Variants in PDHA1 observed in about 807,000 individuals in gnomAD.
PDHA1 encodes the protein pyruvate dehydrogenase E1 component subunit alpha, somatic form, mitochondrial.
PDHA1 carries 1 observed loss-of-function variant against 33.0 expected under a neutral mutation model. The observed-to-expected ratio is 0.03, with a 90% CI of 0.01 to 0.14. PDHA1 has a LOEUF of 0.14. Ranked by LOEUF, PDHA1 falls within the 10% of genes least tolerant of loss-of-function variation. PDHA1 has a pLI of 1.00. For missense variants in PDHA1, 168 were observed against 325.1 expected, an observed-to-expected ratio of 0.52 and a Z score of 3.72; for synonymous variants, 123 against 119.2, an observed-to-expected ratio of 1.03 and a Z score of -0.21.
intron 9 of PDHA1, among the ~76,000 whole-genome samples, chrX:19,357,954 G>GTT (rs916343254): frequency 6.2e-5 from 7 of 112,205 alleles, no homozygotes; most frequent in African/African-American, 2.3e-4. Context: ...AAGAAAGAGT[G>GTT]TTATATACCT....
At chrX:19,356,777 CTG>C (rs1456888452) in intron 8 of PDHA1, among the ~76,000 whole-genome samples, 2 of 88,864 alleles carry the variant, frequency 2.3e-5, no homozygotes, top group Non-Finnish European at 3.8e-5. Flanking sequence ...GACAAGGAAA[CTG>C]AGCCATAGAG....
At chrX:19,344,885 G>A (rs1461937587) in intron 1 of PDHA1, among the ~76,000 whole-genome samples, 2 of 112,023 alleles carry the variant, frequency 1.8e-5, no homozygotes, top group Non-Finnish European at 3.8e-5. Context: ...AGCCTCTTCA[G>A]AAACAAACTT....
rs2063257671 is a variant in PDHA1, at chrX:19,359,937, TGCCCCCA to T, written c.*288_*294del. 1.8e-5 allele frequency: 6 copies of T among 335,693 alleles called. No homozygotes were observed. The South Asian group carries it at 2.1e-4, about 12-fold the overall frequency. 27.7% of individuals were successfully genotyped at this position (335,693 alleles called of 1,213,427 possible). A position where few individuals can be genotyped will look rare whatever the true frequency, so the allele number is the denominator to read the frequency against. The stretch of plus-strand genomic sequence containing the variant: ...CAATTCCTTGTATGCCTGTTTCCCC[TGCCCCCA>T]GCCACCTTTTTGGGAGGAGACCATT... On this transcript the variant is annotated 3_prime_UTR_variant, in exon 11 of 11. Coordinates refer to ENST00000422285, the MANE Select transcript of PDHA1 (RefSeq NM_000284.4).
intron 1 of PDHA1, chrX:19,346,583 C>T: frequency 2.1e-6 from 2 of 958,980 alleles, no homozygotes; most frequent in Non-Finnish European, 2.7e-6. Context: ...CTCGGCCTCC[C>T]AAAGTGCTGG....
rs2147174061 is a variant in PDHA1 at position 19,349,308 on chromosome X, T to C, written c.58-4T>C. 2 of 1,167,230 alleles carry C rather than the reference T, an allele frequency of 1.7e-6. No individual in the cohort carries two copies. The highest frequency in any genetic ancestry group is 2.3e-6 in the Non-Finnish European group (2 of 855,162). On this transcript the variant is annotated splice_region_variant and splice_polypyrimidine_tract_variant and intron_variant, in intron 1 of 10. Coordinates refer to ENST00000422285, the MANE Select transcript of PDHA1 (RefSeq NM_000284.4). Reference sequence around the variant, plus strand: ...GATTTGTTTGTATATTTTTGTCTTTTAAGGCAAGCAGAGTGCTGGTAGCAT... The same window carrying C: ...GATTTGTTTGTATATTTTTGTCTTTCAAGGCAAGCAGAGTGCTGGTAGCAT...
chrX:19,350,629 A>C (rs904019330), intron 3 of PDHA1, among the ~76,000 whole-genome samples: 11 of 112,467 alleles, frequency 9.8e-5, no homozygotes, highest in African/African-American at 3.6e-4. Context: ...TAGGCTAAAG[A>C]ATTCATTCAC....
intron 5 of PDHA1, 199 bp downstream of exon 5, chrX:19,353,372 T>C: frequency 2.1e-6 from 1 of 470,330 alleles, no homozygotes; most frequent in Non-Finnish European, 3.8e-6. Context: ...CCTAGTGATG[T>C]TGTAGTGGCA....
intron 10 of PDHA1, among the ~76,000 whole-genome samples, 182 bp downstream of exon 10, chrX:19,359,206 T>C (rs1043966226): frequency 3.6e-5 from 4 of 111,515 alleles, no homozygotes; most frequent in African/African-American, 1.3e-4. Context: ...TATTCAAAAT[T>C]GTATTACTCT....
chrX:19,358,788 G>A (rs1602231108), intron 9 of PDHA1, 128 bp from the exon 10 acceptor site: 5 of 515,219 alleles, frequency 9.7e-6, no homozygotes, highest in Admixed American at 5.2e-5. Context: ...ATGCCCCTTT[G>A]TTTCAGAAAC....
intron 4 of PDHA1, 113 bp from the exon 5 acceptor site, chrX:19,352,969 A>G: frequency 1.6e-6 from 1 of 616,584 alleles, no homozygotes; most frequent in Non-Finnish European, 2.8e-6. Flanking sequence ...TAGACGACTG[A>G]ACTGGCCTCT....
At chrX:19,355,581 A>T in intron 7 of PDHA1, 77 bp downstream of exon 7, 1 of 1,163,010 alleles carries the variant, frequency 8.6e-7, no homozygotes, top group Non-Finnish European at 1.2e-6. Context: ...TGACGATCTT[A>T]GAAACATTGG....
intron 1 of PDHA1, among the ~76,000 whole-genome samples, chrX:19,344,678 A>T (rs1485738417): frequency 7.5e-5 from 1 of 13,271 alleles, no homozygotes; most frequent in East Asian, 2.8e-3. Flanking sequence ...TAACTCTAAA[A>T]TGGAGATAAT....
chrX:19,360,212 C>G lies in PDHA1; in HGVS notation c.*559C>G, dbSNP rs1477339971. 3 of 136,378 alleles carry G rather than the reference C, an allele frequency of 2.2e-5. No homozygotes were observed. The highest frequency in any genetic ancestry group is 9.6e-5 in the African/African-American group (3 of 31,327). 11.2% of individuals were successfully genotyped at this position (136,378 alleles called of 1,213,427 possible). A position where few individuals can be genotyped will look rare whatever the true frequency, so the allele number is the denominator to read the frequency against. ...TATAAATATGAAGCTATTTTCTGTTCATATCAAACATTAACTACAAGGCAC... is the reference window on the plus strand; with the variant it reads ...TATAAATATGAAGCTATTTTCTGTTGATATCAAACATTAACTACAAGGCAC... On this transcript the variant is annotated 3_prime_UTR_variant, in exon 11 of 11. Coordinates refer to ENST00000422285, the MANE Select transcript of PDHA1 (RefSeq NM_000284.4).
chrX:19,357,496 ATCAG>A (rs978030896), intron 8 of PDHA1, 152 bp from the exon 9 acceptor site: 23 of 555,986 alleles, frequency 4.1e-5, no homozygotes, highest in Admixed American at 9.1e-5. Context: ...ATGAGAACAG[ATCAG>A]TCAACCAATA....
At chrX:19,351,238 CAT>C (rs2063161149) in intron 3 of PDHA1, 41 bp from the exon 4 acceptor site, 1 of 1,188,550 alleles carries the variant, frequency 8.4e-7, no homozygotes, top group Non-Finnish European at 1.1e-6. Context: ...TATTTAGAAA[CAT>C]GTATCATATT....
chrX:19,361,242 GT>G lies in PDHA1; in HGVS notation c.*1592del. The G allele has an allele frequency of 1.4e-6, 1 of 727,409 alleles. No homozygotes were observed. Among genetic ancestry groups the G allele is most frequent in the Non-Finnish European group, 2.0e-6 (1 of 498,463 alleles). 59.9% of individuals were successfully genotyped at this position (727,409 alleles called of 1,213,427 possible). A position where few individuals can be genotyped will look rare whatever the true frequency, so the allele number is the denominator to read the frequency against. On this transcript the variant is annotated 3_prime_UTR_variant, in exon 11 of 11. Transcript: ENST00000422285. The stretch of plus-strand genomic sequence containing the variant: ...AGCTTGAACCTAATAGAACTCCAGA[GT>G]TTGGGGGGAGGCCCAGCCCTTTGTT...
chrX:19,358,196 T>TTTAC (rs2063219232), intron 9 of PDHA1, among the ~76,000 whole-genome samples: 2 of 112,030 alleles, frequency 1.8e-5, no homozygotes, highest in African/African-American at 6.5e-5. Flanking sequence ...AGGCATGAAT[T>TTTAC]TTACTTTTTT....
At chrX:19,359,093 G>C in intron 10 of PDHA1, 69 bp downstream of exon 10, 1 of 609,541 alleles carries the variant, frequency 1.6e-6, no homozygotes, top group Non-Finnish European at 2.8e-6. Context: ...TGGCCACAGA[G>C]TTTGTGTGGG....
At chrX:19,358,853 A>C (rs762559680) in intron 9 of PDHA1, 63 bp from the exon 10 acceptor site, 793 of 636,637 alleles carry the variant, frequency 1.2e-3, no homozygotes, top group Non-Finnish European at 1.9e-3. Context: ...ATGTTTCATC[A>C]CGCCGTCCTT....
Sources: allele counts gnomAD v4.1 joint callset (sites outside exome capture counted in the v4.1 genomes callset), GRCh38; gene constraint gnomAD v4.1.1; transcripts MANE v1.5; gene names NCBI Gene and HGNC (gene_info 2026-07-23, HGNC 2026-07-21).